Variants in SENP7 observed in about 807,000 individuals in gnomAD.
SENP7 encodes sentrin-specific protease 7.
Under a neutral mutation model 141.2 loss-of-function variants are expected in SENP7, and 64 were observed. The ratio of observed to expected loss-of-function variants is 0.45; its 90% confidence interval spans 0.37 to 0.56. SENP7 has a LOEUF of 0.56. Ranked by LOEUF, SENP7 falls within the 20% of genes least tolerant of loss-of-function variation. The probability of loss-of-function intolerance (pLI) is 0.00; values close to 1 mark genes in which losing one functional copy is unlikely to be tolerated. For synonymous variants in SENP7, 382 were observed against 426.4 expected (o/e 0.90, Z 1.28); for missense variants, 1,025 against 1,212.2 (o/e 0.85, Z 2.29).
intron 12 of SENP7, 103 bp from the exon 13 acceptor site, chr3:101,348,154 A>G: frequency 1.4e-6 from 1 of 730,168 alleles, no homozygotes. Flanking sequence ...TTTTAAAAAA[A>G]AGAGAATTAT....
intron 5 of SENP7, among the ~76,000 whole-genome samples, chr3:101,416,845 T>C (rs2107654267): frequency 6.6e-6 from 1 of 152,298 alleles, no homozygotes; most frequent in African/African-American, 2.4e-5. Flanking sequence ...TTACAGACCA[T>C]ATAACCAAAG....
intron 4 of SENP7, among the ~76,000 whole-genome samples, chr3:101,444,920 AAAT>A (rs147369578): frequency 0.024 from 3,591 of 151,842 alleles, 141 homozygotes; most frequent in African/African-American, 0.082. Context: ...AAATAAATAA[AAAT>A]AATAATAGCT....
intron 4 of SENP7, among the ~76,000 whole-genome samples, chr3:101,420,779 A>G (rs1298968128): frequency 6.6e-6 from 1 of 152,204 alleles, no homozygotes; most frequent in Non-Finnish European, 1.5e-5. Flanking sequence ...CAAGACCAAT[A>G]AAATAATAAA....
intron 6 of SENP7, among the ~76,000 whole-genome samples, chr3:101,383,090 C>G (rs2060549806): frequency 6.6e-6 from 1 of 152,166 alleles, no homozygotes; most frequent in Admixed American, 6.5e-5. Flanking sequence ...TCATAGTGAA[C>G]TATATCCCCA....
chr3:101,455,362 T>C (rs138517005), intron 4 of SENP7, among the ~76,000 whole-genome samples: 3 of 152,126 alleles, frequency 2.0e-5, no homozygotes, highest in Non-Finnish European at 4.4e-5. Flanking sequence ...CTTATGAAAA[T>C]TAAATAAGAC....
At chr3:101,475,093 C>A (rs962075466) in intron 3 of SENP7, among the ~76,000 whole-genome samples, 6 of 152,016 alleles carry the variant, frequency 3.9e-5, no homozygotes, top group African/African-American at 1.4e-4. Flanking sequence ...TTACATCAGA[C>A]AAATAGGCAT....
At chr3:101,455,532 T>C (rs2063321934) in intron 4 of SENP7, among the ~76,000 whole-genome samples, 1 of 152,100 alleles carries the variant, frequency 6.6e-6, no homozygotes, top group Non-Finnish European at 1.5e-5. Flanking sequence ...ACAGCATAAT[T>C]TGATTTAAAA....
At chr3:101,436,421 T>C (rs2062390394) in intron 4 of SENP7, among the ~76,000 whole-genome samples, 1 of 151,880 alleles carries the variant, frequency 6.6e-6, no homozygotes, top group Non-Finnish European at 1.5e-5. Context: ...AATGGACAAA[T>C]AAGATCACAT....
chr3:101,401,063 T>C (rs926620371), intron 5 of SENP7, among the ~76,000 whole-genome samples: 2 of 149,928 alleles, frequency 1.3e-5, no homozygotes, highest in African/African-American at 4.9e-5. Flanking sequence ...GCGCCACCTC[T>C]GTTTGCCTGG....
At chr3:101,500,176 A>G (rs2065322133) in intron 2 of SENP7, among the ~76,000 whole-genome samples, 1 of 152,222 alleles carries the variant, frequency 6.6e-6, no homozygotes, top group African/African-American at 2.4e-5. Context: ...CATAACTTAG[A>G]CTGCTTCAGA....
At position 101,364,816 on chromosome 3, in the gene SENP7, A is replaced by G; in HGVS notation, c.1476+18T>C. 1 of 1,512,940 alleles carries G rather than the reference A, an allele frequency of 6.6e-7. No homozygotes were observed. The highest frequency in any genetic ancestry group is 2.4e-5 in the East Asian group (1 of 41,592). 93.7% of individuals were successfully genotyped at this position (1,512,940 alleles called of 1,614,324 possible). ...GTACATTTCATTGTTAATCTATGAG[A>G]AGACAGAAATAAATTACCTGTACAG... On this transcript the variant is annotated intron_variant, in intron 10 of 23. Transcript: ENST00000394095.
At chr3:101,465,053 C>T (rs2063714598) in intron 3 of SENP7, among the ~76,000 whole-genome samples, 1 of 152,188 alleles carries the variant, frequency 6.6e-6, no homozygotes, top group Non-Finnish European at 1.5e-5. Flanking sequence ...AATCAATCCA[C>T]ATTCCTCAAT....
At chr3:101,483,771 C>T (rs2064604582) in intron 3 of SENP7, among the ~76,000 whole-genome samples, 2 of 152,176 alleles carry the variant, frequency 1.3e-5, no homozygotes, top group Non-Finnish European at 1.5e-5. Flanking sequence ...CCTGTAATCC[C>T]AGCAGTTTGG....
At chr3:101,382,490 T>A (rs1279487549) in intron 6 of SENP7, among the ~76,000 whole-genome samples, 1 of 152,222 alleles carries the variant, frequency 6.6e-6, no homozygotes, top group Non-Finnish European at 1.5e-5. Flanking sequence ...AAGCCTATTT[T>A]CTAATACAAT....
At chr3:101,390,089 G>A (rs2060769546) in intron 6 of SENP7, among the ~76,000 whole-genome samples, 1 of 151,814 alleles carries the variant, frequency 6.6e-6, no homozygotes, top group African/African-American at 2.4e-5. Context: ...GCATGGTGGT[G>A]GGCATCTGTA....
rs756527129 is a variant in SENP7 at position 101,332,770 on chromosome 3, G to A, written c.2573C>T (p.Ser858Leu). ...TTCTTAAATAATCTGAAATACTTAC[G>A]ACTCATTTACAGGTACAAAGATGTA... ...KDYIFVPVNE[S>L]SHWYLAVICF... Residue 858 changes from serine to leucine, a missense_variant and splice_region_variant, in exon 18 of 24, where the codon TCG (serine) becomes TTG (leucine). Ser to Leu is a moderately radical substitution (Grantham distance 145, BLOSUM62 -2). Coordinates refer to ENST00000394095, the MANE Select transcript of SENP7 (RefSeq NM_020654.5). The A allele has an allele frequency of 1.9e-5, 28 of 1,486,272 alleles. No homozygotes were observed. The highest frequency in any genetic ancestry group is 2.0e-4 in the Middle Eastern group (1 of 5,114). The allele number at this position is 1,486,272 out of a possible 1,614,324, so 92.1% of individuals were successfully genotyped here.
At chr3:101,363,048 T>C in intron 10 of SENP7, 2 of 321,022 alleles carry the variant, frequency 6.2e-6, no homozygotes, top group Non-Finnish European at 9.0e-6. Context: ...ACTCCCCTCT[T>C]ACCTCTCGCA....
intron 17 of SENP7, 197 bp downstream of exon 17, chr3:101,337,312 C>G (rs934789573): frequency 2.9e-6 from 1 of 345,514 alleles, no homozygotes; most frequent in South Asian, 8.6e-5. Context: ...ATGCAGACTG[C>G]AAGTGTCAGC....
chr3:101,429,908 T>A (rs1168622537), intron 4 of SENP7, among the ~76,000 whole-genome samples: 1 of 152,194 alleles, frequency 6.6e-6, no homozygotes, highest in East Asian at 1.9e-4. Context: ...AAGGGCTGAA[T>A]TTTGTCAAAG....
Sources: allele counts gnomAD v4.1 joint callset (sites outside exome capture counted in the v4.1 genomes callset), GRCh38; gene constraint gnomAD v4.1.1; transcripts MANE v1.5; gene names NCBI Gene and HGNC (gene_info 2026-07-23, HGNC 2026-07-21).